STK24: variants seen among roughly 807,000 people sequenced by gnomAD.
The protein encoded by STK24 is serine/threonine-protein kinase 24.
Under a neutral mutation model 55.6 loss-of-function variants are expected in STK24, and 21 were observed. The observed-to-expected ratio is 0.38, with a 90% CI of 0.27 to 0.54. STK24 has a LOEUF of 0.54. STK24 is among the 20% of genes least tolerant of loss of function. The probability of loss-of-function intolerance (pLI) is 0.79; values close to 1 mark genes in which losing one functional copy is unlikely to be tolerated. For missense variants in STK24, 383 were observed against 538.4 expected (o/e 0.71, Z 2.86); for synonymous variants, 200 against 215.2 (o/e 0.93, Z 0.62).
chr13:98,528,351 T>C (rs1326339409), intron 1 of STK24, among the ~76,000 whole-genome samples: 1 of 152,164 alleles, frequency 6.6e-6, no homozygotes, highest in Non-Finnish European at 1.5e-5. Context: ...GGTGTTTTCC[T>C]GCTCCCTCTC....
At chr13:98,520,457 A>C (rs775603055) in intron 1 of STK24, among the ~76,000 whole-genome samples, 1 of 152,218 alleles carries the variant, frequency 6.6e-6, no homozygotes, top group Non-Finnish European at 1.5e-5. Flanking sequence ...CGCCAGGCCA[A>C]CCCTCCAAAT....
At position 98,456,242 on chromosome 13, in the gene STK24, T is replaced by C. The variant is rs543171117; in HGVS notation, c.1259+926A>G. 3.7e-3 allele frequency: 1,249 copies of C among 335,568 alleles called. 22 individuals are homozygous for C. Among genetic ancestry groups the C allele is most frequent in the South Asian group, 0.02 (883 of 44,292 alleles). 20.8% of individuals were successfully genotyped at this position (335,568 alleles called of 1,614,324 possible). On this transcript the variant is annotated intron_variant, in intron 10 of 10. Transcript: ENST00000539966. The stretch of plus-strand genomic sequence containing the variant: ...GACAGTAGGCAGCCCCTTCAATCAC[T>C]TCCAAATAGCAAAAGGGACCTCACG...
intron 1 of STK24, among the ~76,000 whole-genome samples, chr13:98,544,579 G>A (rs1896983185): frequency 6.6e-6 from 1 of 152,234 alleles, no homozygotes; most frequent in Non-Finnish European, 1.5e-5. Context: ...CGCCCCAGGA[G>A]GCAATGCTCC....
At chr13:98,467,639 C>T (rs1251548748) in intron 5 of STK24, among the ~76,000 whole-genome samples, 1 of 152,074 alleles carries the variant, frequency 6.6e-6, no homozygotes, top group Admixed American at 6.5e-5. Context: ...GCCGAATGTC[C>T]CAGAGGAGAC....
At chr13:98,457,024 C>G (rs956380232) in intron 10 of STK24, 144 bp downstream of exon 10, 71 of 966,898 alleles carry the variant, frequency 7.3e-5, no homozygotes, top group Non-Finnish European at 1.1e-4. Context: ...AACAAAGTCT[C>G]CTCTAATTCA....
intron 7 of STK24, among the ~76,000 whole-genome samples, chr13:98,463,367 A>C (rs1251986508): frequency 2.6e-5 from 4 of 152,204 alleles, no homozygotes; most frequent in Non-Finnish European, 5.9e-5. Context: ...AAGCAGTTTC[A>C]CCTGATCAGG....
intron 10 of STK24, chr13:98,453,456 G>C: frequency 3.9e-6 from 2 of 507,498 alleles, no homozygotes; most frequent in Non-Finnish European, 6.9e-6. Context: ...CCTCCCTGGA[G>C]AGATGTGAAT....
chr13:98,506,122 C>T (rs111700780), intron 2 of STK24, among the ~76,000 whole-genome samples: 3 of 152,184 alleles, frequency 2.0e-5, no homozygotes, highest in Admixed American at 6.5e-5. Context: ...TTAAGTTTTA[C>T]GTCTAGTAGC....
At chr13:98,491,176 C>G (rs946593572) in intron 2 of STK24, among the ~76,000 whole-genome samples, 4 of 145,480 alleles carry the variant, frequency 2.7e-5, no homozygotes, top group Admixed American at 1.4e-4. Context: ...AATGCAGAAG[C>G]CCACCGGACC....
In STK24 at chr13:98,446,328, G is replaced by A. The variant is rs1307012365; in HGVS notation, c.*6845C>T. The A allele has an allele frequency of 1.5e-6, 1 of 659,250 alleles. No homozygotes were observed. The highest frequency in any genetic ancestry group is 2.6e-5 in the East Asian group (1 of 38,048). 40.8% of individuals were successfully genotyped at this position (659,250 alleles called of 1,614,324 possible). On this transcript the variant is annotated 3_prime_UTR_variant, in exon 11 of 11. Coordinates refer to ENST00000539966, the MANE Select transcript of STK24 (RefSeq NM_001032296.4). Reference sequence around the variant, plus strand: ...GCTCCAGGTGTCACGGGGATGACAGGGATGCTGGCGGGGGGCCCTGTCCAC... The same window carrying A: ...GCTCCAGGTGTCACGGGGATGACAGAGATGCTGGCGGGGGGCCCTGTCCAC...
chr13:98,542,657 C>T (rs1256292576), intron 1 of STK24, among the ~76,000 whole-genome samples: 2 of 152,138 alleles, frequency 1.3e-5, no homozygotes, highest in Admixed American at 6.5e-5. Context: ...TACAGCTGAG[C>T]CTAATAAATG....
intron 1 of STK24, among the ~76,000 whole-genome samples, chr13:98,554,951 G>A (rs1308634972): frequency 1.4e-5 from 2 of 147,596 alleles, no homozygotes; most frequent in Non-Finnish European, 3.0e-5. Context: ...GGAGATGGAG[G>A]TTGCAGTGAG....
At chr13:98,538,280 C>A (rs1274998265) in intron 1 of STK24, among the ~76,000 whole-genome samples, 1 of 126,824 alleles carries the variant, frequency 7.9e-6, no homozygotes, top group Non-Finnish European at 1.6e-5. Context: ...GGCTTGAGTA[C>A]GGTGGCATGA....
At chr13:98,461,604 G>C (rs980551039) in intron 8 of STK24, among the ~76,000 whole-genome samples, 170 bp downstream of exon 8, 1 of 152,108 alleles carries the variant, frequency 6.6e-6, no homozygotes, top group Admixed American at 6.5e-5. Context: ...TGAACACCTG[G>C]ATCATCAGAC....
At chr13:98,474,428 T>C (rs1170865064) in intron 5 of STK24, among the ~76,000 whole-genome samples, 2 of 152,130 alleles carry the variant, frequency 1.3e-5, no homozygotes, top group Non-Finnish European at 2.9e-5. Flanking sequence ...GGTTGCCGAT[T>C]CCACGCACTT....
rs927134641 is a variant in STK24, at chr13:98,519,116, G to A, written c.273+127C>T. On this transcript the variant is annotated intron_variant, in intron 2 of 10. Coordinates refer to ENST00000539966, the MANE Select transcript of STK24 (RefSeq NM_001032296.4). ...ATCAAAGCCAGGTTCTTTTGATCAC[G>A]AAGGTCAAAACATCTCTCCTTGCTC... The A allele has an allele frequency of 9.0e-5, 64 of 711,902 alleles. 1 individual carries two copies. Among genetic ancestry groups the A allele is most frequent in the African/African-American group, 8.9e-4 (50 of 56,350 alleles). The allele number at this position is 711,902 out of a possible 1,614,324, so 44.1% of individuals were successfully genotyped here. A position where few individuals can be genotyped will look rare whatever the true frequency, so the allele number is the denominator to read the frequency against.
intron 1 of STK24, among the ~76,000 whole-genome samples, chr13:98,526,791 G>C (rs999323725): frequency 9.2e-5 from 14 of 152,194 alleles, no homozygotes; most frequent in African/African-American, 2.9e-4. Flanking sequence ...AACGTGATTG[G>C]AAAGGACCAC....
At chr13:98,507,766 C>G (rs1036242517) in intron 2 of STK24, among the ~76,000 whole-genome samples, 1 of 152,210 alleles carries the variant, frequency 6.6e-6, no homozygotes, top group Non-Finnish European at 1.5e-5. Flanking sequence ...GTCTCCAGAT[C>G]TCCAGAGCAC....
At chr13:98,538,177 A>C (rs1009376846) in intron 1 of STK24, among the ~76,000 whole-genome samples, 4 of 143,368 alleles carry the variant, frequency 2.8e-5, no homozygotes, top group Admixed American at 2.1e-4. Context: ...TAGTGAAGGA[A>C]AGGGTATTCT....
Sources: allele counts gnomAD v4.1 joint callset (sites outside exome capture counted in the v4.1 genomes callset), GRCh38; gene constraint gnomAD v4.1.1; transcripts MANE v1.5; gene names NCBI Gene and HGNC (gene_info 2026-07-23, HGNC 2026-07-21).